Variants in EHMT1 observed in about 807,000 individuals in gnomAD.
The protein encoded by EHMT1 is euchromatic histone lysine methyltransferase 1.
In EHMT1, 15 loss-of-function variants were observed where a neutral mutation model predicts 147.2. The observed-to-expected ratio is 0.10, with a 90% CI of 0.07 to 0.16. The LOEUF is 0.16. Ranked by LOEUF, EHMT1 falls within the 10% of genes least tolerant of loss-of-function variation. The pLI, the probability that EHMT1 is intolerant of heterozygous loss-of-function variation, is 1.00. For synonymous variants in EHMT1, 795 were observed against 709.6 expected (o/e 1.12, Z -1.91); for missense variants, 1,587 against 1,772.4 (o/e 0.90, Z 1.88).
chr9:137,619,789 G>A (rs952027802), intron 1 of EHMT1, among the ~76,000 whole-genome samples: 11 of 152,060 alleles, frequency 7.2e-5, no homozygotes, highest in Non-Finnish European at 1.2e-4. Context: ...CCTTGCTTAG[G>A]AAAGGAAGCA....
Position 137,716,610 on chromosome 9 carries a change from G to A in EHMT1, c.86-16G>A, listed in dbSNP as rs368532132. 1.6e-5 allele frequency: 25 copies of A among 1,543,620 alleles called. No individual in the cohort carries two copies. The highest frequency in any genetic ancestry group is 1.6e-4 in the East Asian group (7 of 44,234). On this transcript the variant is annotated splice_polypyrimidine_tract_variant and intron_variant, in intron 2 of 26. Coordinates refer to ENST00000460843, the MANE Select transcript of EHMT1 (RefSeq NM_024757.5). ...GCGTGGCCTGCAGTCAGTGACACTCGTTTCTTTGTTGGCAGAGACACCTAT... is the reference window on the plus strand; with the variant it reads ...GCGTGGCCTGCAGTCAGTGACACTCATTTCTTTGTTGGCAGAGACACCTAT...
chr9:137,822,930 G>GT (rs1041108812), intron 25 of EHMT1, among the ~76,000 whole-genome samples: 6 of 150,996 alleles, frequency 4.0e-5, no homozygotes, highest in Admixed American at 3.9e-4. Context: ...TGTTGTTGTT[G>GT]TTGTTTGTTT....
chr9:137,721,912 C>T (rs942981883), intron 3 of EHMT1, among the ~76,000 whole-genome samples: 4 of 152,014 alleles, frequency 2.6e-5, no homozygotes, highest in African/African-American at 9.7e-5. Flanking sequence ...CAGTTTTCTC[C>T]TGTGGATTGT....
intron 1 of EHMT1, among the ~76,000 whole-genome samples, chr9:137,627,503 G>C (rs1485734570): frequency 6.6e-6 from 1 of 151,948 alleles, no homozygotes; most frequent in Admixed American, 6.6e-5. Context: ...GATCTCAGGT[G>C]ATTTGCCCAC....
Position 137,813,349 on chromosome 9 carries a change from G to T in EHMT1, c.3036-37G>T, listed in dbSNP as rs373762614. ...CTGTGCCACCCCCTGGGCAGAGCAC[G>T]TCAGCCACCAGGTGACACCTGTCCT... is the stretch of plus-strand genomic sequence containing the variant. On this transcript the variant is annotated intron_variant, in intron 20 of 26. Transcript: ENST00000460843. This position sits in a 1 kb window ranked among gnomAD's most constrained non-coding sequence, Gnocchi z 4.9. 4 of 1,597,280 alleles carry T rather than the reference G, an allele frequency of 2.5e-6. No homozygotes were observed. In the South Asian group the frequency reaches 3.4e-5, roughly 13 times the overall value.
chr9:137,788,107 G>A (rs1588711060), intron 15 of EHMT1: 1 of 1,315,662 alleles, frequency 7.6e-7, no homozygotes, highest in Non-Finnish European at 1.0e-6. Context: ...GGGCAGAGGG[G>A]CCACAGAGGC....
chr9:137,710,444 G>T (rs1009683348), intron 1 of EHMT1, among the ~76,000 whole-genome samples: 1 of 152,216 alleles, frequency 6.6e-6, no homozygotes, highest in Non-Finnish European at 1.5e-5. Flanking sequence ...CTGTACTCCA[G>T]CCTGGGCGAG....
intron 16 of EHMT1, among the ~76,000 whole-genome samples, chr9:137,794,345 G>C (rs1289849137): frequency 6.6e-6 from 1 of 152,132 alleles, no homozygotes; most frequent in Non-Finnish European, 1.5e-5. Context: ...AGAATTGCTA[G>C]ATCAAAGTAG....
chr9:137,782,583 G>A lies in EHMT1; in HGVS notation c.2382+186G>A, dbSNP rs991979468. 2.6e-5 allele frequency among the ~76,000 whole-genome samples: 4 copies of A among 152,116 alleles called. No individual in the cohort carries two copies. The highest frequency in any genetic ancestry group is 7.2e-5 in the African/African-American group (3 of 41,400). The stretch of plus-strand genomic sequence containing the variant: ...ATCAGTGCTTCCCGCTGTTTCTTCC[G>A]GCATTTACCACGGCCTTTGAGAAGA... On this transcript the variant is annotated intron_variant, in intron 15 of 26. Transcript: ENST00000460843. The surrounding 1 kb of genome is among the most constrained non-coding windows in gnomAD (Gnocchi z 5.7).
chr9:137,817,946 A>T, intron 24 of EHMT1, 114 bp from the exon 25 acceptor site: 2 of 1,000,934 alleles, frequency 2.0e-6, no homozygotes, highest in Admixed American at 1.7e-5. Flanking sequence ...TGTTCCCTGC[A>T]TGTTCTTCTG....
chr9:137,792,337 G>A (rs1952588206), intron 16 of EHMT1: 2 of 288,640 alleles, frequency 6.9e-6, no homozygotes. Context: ...TTCAACAGAT[G>A]GTGCTGAGAC....
At chr9:137,626,783 A>AT (rs1310956717) in intron 1 of EHMT1, among the ~76,000 whole-genome samples, 4,580 of 133,014 alleles carry the variant, frequency 0.034, 90 homozygotes, top group African/African-American at 0.049. Flanking sequence ...CTCTTGCAGA[A>AT]TTTTTTTTTT....
rs116701091 is a variant in EHMT1, at chr9:137,650,375, A to G, written c.21+31326A>G. ...TGGCCTCCCAAAGTGCTGGGATTAC[A>G]GATGTGTAATTACAGGTGTACCTTG... is the stretch of plus-strand genomic sequence containing the variant. On this transcript the variant is annotated intron_variant, in intron 1 of 26. Transcript: ENST00000460843. Among the ~76,000 whole-genome samples the G allele has an allele frequency of 1.7e-3, 264 of 152,180 alleles. 2 individuals carry two copies. Among genetic ancestry groups the G allele is most frequent in the African/African-American group, 5.8e-3 (241 of 41,526 alleles).
intron 6 of EHMT1, among the ~76,000 whole-genome samples, chr9:137,749,394 C>A (rs1948798879): frequency 6.6e-6 from 1 of 152,122 alleles, no homozygotes. Flanking sequence ...ACCTCAGCCT[C>A]CAAAGTAGCT....
intron 14 of EHMT1, among the ~76,000 whole-genome samples, chr9:137,780,875 G>A (rs1468835771): frequency 2.1e-3 from 218 of 104,454 alleles, no homozygotes; most frequent in Non-Finnish European, 2.9e-3. Flanking sequence ...TGATGACGCC[G>A]GGATGTGTGG....
At chr9:137,814,964 G>A (rs962295420) in intron 22 of EHMT1, 11 of 280,616 alleles carry the variant, frequency 3.9e-5, no homozygotes, top group African/African-American at 2.2e-4. Flanking sequence ...GCTGGTCCTC[G>A]GAGGAGCCCA....
intron 3 of EHMT1, among the ~76,000 whole-genome samples, chr9:137,727,422 A>G (rs1354236705): frequency 6.6e-6 from 1 of 152,096 alleles, no homozygotes; most frequent in Non-Finnish European, 1.5e-5. Flanking sequence ...TTATACTTTT[A>G]GGTTTTGCAG....
intron 1 of EHMT1, among the ~76,000 whole-genome samples, chr9:137,668,472 C>G (rs1387652631): frequency 1.3e-5 from 2 of 152,154 alleles, no homozygotes; most frequent in African/African-American, 4.8e-5. Flanking sequence ...CATCTATTCA[C>G]CAACCATCAC....
chr9:137,718,201 C>T (rs1042051137), intron 3 of EHMT1, among the ~76,000 whole-genome samples: 57 of 151,816 alleles, frequency 3.8e-4, no homozygotes, highest in African/African-American at 8.5e-4. Context: ...TCACGCGCAC[C>T]GTGCTGATTT....
Sources: allele counts gnomAD v4.1 joint callset (sites outside exome capture counted in the v4.1 genomes callset), GRCh38; gene constraint gnomAD v4.1.1; non-coding constraint Gnocchi (gnomAD v3.1); transcripts MANE v1.5; gene names NCBI Gene and HGNC (gene_info 2026-07-23, HGNC 2026-07-21).